CD48: variants seen among roughly 807,000 people sequenced by gnomAD.
The protein encoded by CD48 is CD48 antigen.
A neutral mutation model predicts 22.0 loss-of-function variants in CD48; 20 were observed. The observed-to-expected ratio is 0.91, with a 90% CI of 0.64 to 1.32. The LOEUF (loss-of-function observed/expected upper bound fraction) is 1.32. CD48 is among the 40% of genes most tolerant of loss of function. The pLI is 0.00. For missense variants in CD48, 307 were observed against 286.5 expected, an observed-to-expected ratio of 1.07 and a Z score of -0.52; for synonymous variants, 110 against 110.1, an observed-to-expected ratio of 1.00 and a Z score of 0.01.
At chr1:160,693,305 G>C (rs375905199) in intron 1 of CD48, among the ~76,000 whole-genome samples, 5,415 of 111,122 alleles carry the variant, frequency 0.049, no homozygotes, top group South Asian at 0.095. Context: ...AGCCCGTAAG[G>C]TCATAGTGGA....
chr1:160,697,894 C>A (rs1012900982), intron 1 of CD48, among the ~76,000 whole-genome samples: 1 of 152,098 alleles, frequency 6.6e-6, no homozygotes, highest in Non-Finnish European at 1.5e-5. Context: ...AAAGTCTAGA[C>A]AAACATAAGC....
chr1:160,706,812 G>T (rs1662809623), intron 1 of CD48, among the ~76,000 whole-genome samples: 1 of 152,138 alleles, frequency 6.6e-6, no homozygotes, highest in Non-Finnish European at 1.5e-5. Context: ...AAAAAATTCA[G>T]ATCAAAGGAA....
At chr1:160,683,872 A>G (rs909152559) in intron 2 of CD48, 3 of 152,168 alleles carry the variant, frequency 2.0e-5, no homozygotes, top group African/African-American at 4.8e-5. Context: ...CCGCTCTTCT[A>G]CAAGAATTGC....
chr1:160,685,930 T>C (rs73012292), intron 1 of CD48, among the ~76,000 whole-genome samples: 2,554 of 152,276 alleles, frequency 0.017, 63 homozygotes, highest in African/African-American at 0.059. Flanking sequence ...AAAAAGGGTA[T>C]GATTGAATGC....
chr1:160,679,084 C>T lies in CD48; in HGVS notation c.700G>A (p.Val234Met), dbSNP rs1480632401. Residue 234 changes from valine (V) to methionine (M), a missense_variant, in exon 4 of 4, where the codon GTG becomes ATG. Transcript: ENST00000368046. ...AGTAACAGGCCAAGAATGGTGGGCA[C>T]CGTGACCACTAGCCAACTTGCAATC... ...EWIASWLVVT[V>M]PTILGLLLT is the part of the protein sequence containing the mutation. 6.2e-7 allele frequency: 1 copy of T among 1,613,950 alleles called. No homozygotes were observed. Among genetic ancestry groups the T allele is most frequent in the African/African-American group, 1.3e-5 (1 of 74,868 alleles).
At chr1:160,691,727 G>T (rs1662227252) in intron 1 of CD48, 1 of 339,626 alleles carries the variant, frequency 2.9e-6, no homozygotes. Context: ...AACACCCACA[G>T]GTGTGGAGGG....
At chr1:160,707,656 G>A (rs1295394529) in intron 1 of CD48, among the ~76,000 whole-genome samples, 1 of 152,170 alleles carries the variant, frequency 6.6e-6, no homozygotes, top group Non-Finnish European at 1.5e-5. Context: ...AGAGGGCAGA[G>A]GACTGAGGTA....
In CD48 at chr1:160,711,688, T is replaced by C; in HGVS notation, c.76A>G (p.Ile26Val). ...CACAGTTGGTGGAAAGTACCTTGAATGCTGGTCACCAGGAGTGACAGAGGC... is the reference window on the plus strand; with the variant it reads ...CACAGTTGGTGGAAAGTACCTTGAACGCTGGTCACCAGGAGTGACAGAGGC... ...LLPLSLLVTS[I>V]QGHLVHMTVV... Residue 26 changes from isoleucine to valine, a missense_variant, in exon 1 of 4, where the codon ATT becomes GTT. By Grantham distance (29) the Ile-to-Val change is conservative. Transcript: ENST00000368046. The C allele has an allele frequency of 6.2e-7, 1 of 1,611,514 alleles. No homozygotes were observed.
At chr1:160,691,038 C>T (rs1055552070) in intron 1 of CD48, among the ~76,000 whole-genome samples, 3 of 152,266 alleles carry the variant, frequency 2.0e-5, no homozygotes, top group African/African-American at 4.8e-5. Flanking sequence ...TAAGAGTCAT[C>T]ACCACTCCCT....
chr1:160,685,391 G>C (rs1661962857), intron 1 of CD48, among the ~76,000 whole-genome samples: 1 of 152,176 alleles, frequency 6.6e-6, no homozygotes, highest in Admixed American at 6.5e-5. Flanking sequence ...CATGGGGGAA[G>C]GGGATGCTGC....
intron 1 of CD48, among the ~76,000 whole-genome samples, chr1:160,710,050 T>C (rs992747316): frequency 6.6e-6 from 1 of 152,070 alleles, no homozygotes; most frequent in Non-Finnish European, 1.5e-5. Flanking sequence ...GAAATCTAGG[T>C]GGAAAGAAGG....
At chr1:160,698,612 C>T (rs1487754397) in intron 1 of CD48, among the ~76,000 whole-genome samples, 2 of 152,050 alleles carry the variant, frequency 1.3e-5, no homozygotes, top group South Asian at 4.1e-4. Context: ...GGGAGACAGG[C>T]TCATGACCTT....
intron 1 of CD48, among the ~76,000 whole-genome samples, chr1:160,690,866 T>C (rs971395823): frequency 2.0e-5 from 3 of 152,150 alleles, no homozygotes; most frequent in East Asian, 1.9e-4. Context: ...TTTTGTTCTG[T>C]ACTAAGAAAA....
intron 3 of CD48, chr1:160,680,974 A>G: frequency 7.0e-7 from 1 of 1,433,420 alleles, no homozygotes; most frequent in Non-Finnish European, 9.1e-7. Flanking sequence ...GATCTCTCCC[A>G]AACGTCCTTT....
rs1661705815 is a variant in CD48 at position 160,678,983 on chromosome 1, G to A, written c.*69C>T. On this transcript the variant is annotated 3_prime_UTR_variant, in exon 4 of 4. Coordinates refer to ENST00000368046, the MANE Select transcript of CD48 (RefSeq NM_001778.4). Reference sequence around the variant, plus strand: ...CAGCCTATACAGTCTCTGTCCTGGTGAGGAGCATGATCACCAACAGGCAAG... The same window carrying A: ...CAGCCTATACAGTCTCTGTCCTGGTAAGGAGCATGATCACCAACAGGCAAG... 1 of 1,125,316 alleles carries A rather than the reference G, an allele frequency of 8.9e-7. No individual in the cohort carries two copies. Among genetic ancestry groups the A allele is most frequent in the Non-Finnish European group, 1.4e-6 (1 of 734,740 alleles). 69.7% of individuals were successfully genotyped at this position (1,125,316 alleles called of 1,614,324 possible). A position where few individuals can be genotyped will look rare whatever the true frequency, so the allele number is the denominator to read the frequency against.
chr1:160,709,689 A>C (rs778226309), intron 1 of CD48, among the ~76,000 whole-genome samples: 25 of 152,208 alleles, frequency 1.6e-4, no homozygotes, highest in Non-Finnish European at 3.1e-4. Flanking sequence ...CCACAGAAGC[A>C]TCCCTTACGG....
At chr1:160,711,631 C>T (rs2101632512) in intron 1 of CD48, 51 bp downstream of exon 1, 1 of 1,392,480 alleles carries the variant, frequency 7.2e-7, no homozygotes, top group East Asian at 2.3e-5. Flanking sequence ...CCTTTCCCAA[C>T]TGACCATGCC....
intron 1 of CD48, among the ~76,000 whole-genome samples, chr1:160,702,970 A>T (rs1662681073): frequency 6.6e-6 from 1 of 152,110 alleles, no homozygotes. Context: ...TATAATTCAG[A>T]GTGACTTTGT....
At chr1:160,706,384 T>C (rs941992973) in intron 1 of CD48, among the ~76,000 whole-genome samples, 1 of 152,114 alleles carries the variant, frequency 6.6e-6, no homozygotes, top group Non-Finnish European at 1.5e-5. Context: ...AATTTCAGTA[T>C]ATTATGAGTG....
Sources: gnomAD v4.1 joint callset for allele counts (sites outside exome capture counted in the v4.1 genomes callset) on GRCh38, gnomAD v4.1.1 for gene constraint, MANE v1.5 for transcripts, NCBI Gene and HGNC (gene_info 2026-07-23, HGNC 2026-07-21) for gene names.